Variants in FNIP2 observed in about 807,000 individuals in gnomAD.
FNIP2 encodes folliculin interacting protein 2, also known as folliculin-interacting protein 2.
A neutral mutation model predicts 108.7 loss-of-function variants in FNIP2; 32 were observed. The observed-to-expected ratio is 0.29, with a 90% CI of 0.22 to 0.40. The LOEUF is 0.40. Ranked by LOEUF, FNIP2 falls within the 10% of genes least tolerant of loss-of-function variation. The pLI is 1.00. For missense variants in FNIP2, 1,202 were observed against 1,381.6 expected, an observed-to-expected ratio of 0.87 and a Z score of 2.06; for synonymous variants, 480 against 496.7, an observed-to-expected ratio of 0.97 and a Z score of 0.45.
At chr4:158,831,474 C>A (rs1230189349) in intron 3 of FNIP2, among the ~76,000 whole-genome samples, 1 of 152,060 alleles carries the variant, frequency 6.6e-6, no homozygotes, top group Non-Finnish European at 1.5e-5. Context: ...TGAATAATAC[C>A]GAACCATATT....
rs567998925 is a variant in FNIP2 at position 158,907,912 on chromosome 4, T to C, written c.*3368T>C. 5.9e-5 allele frequency: 9 copies of C among 152,312 alleles called. No individual in the cohort carries two copies. The South Asian group carries it at 1.0e-3, about 18-fold the overall frequency. 9.4% of individuals were successfully genotyped at this position (152,312 alleles called of 1,614,324 possible). A position where few individuals can be genotyped will look rare whatever the true frequency, so the allele number is the denominator to read the frequency against. ...GTCATTTGAAGCTCCATAAGAGAAA[T>C]TGATAGGACTTCGTTTTTGATCAGT... On this transcript the variant is annotated 3_prime_UTR_variant, in exon 17 of 17. Transcript: ENST00000264433.
chr4:158,875,958 G>A (rs1031190427), intron 14 of FNIP2, among the ~76,000 whole-genome samples: 4 of 152,080 alleles, frequency 2.6e-5, no homozygotes, highest in East Asian at 3.9e-4. Context: ...GCTTCTTATT[G>A]ATTAGTGAAA....
chr4:158,777,700 G>A (rs1775904665), intron 1 of FNIP2, among the ~76,000 whole-genome samples: 3 of 152,198 alleles, frequency 2.0e-5, no homozygotes, highest in Admixed American at 2.0e-4. Context: ...ACTTGGTGCT[G>A]AGTGCACAGG....
At chr4:158,809,111 G>T (rs1378606853) in intron 1 of FNIP2, among the ~76,000 whole-genome samples, 2 of 152,122 alleles carry the variant, frequency 1.3e-5, no homozygotes, top group African/African-American at 4.8e-5. Context: ...TTGATGAGAG[G>T]CATCTTAAAT....
At position 158,843,992 on chromosome 4, in the gene FNIP2, G is replaced by A. The variant is rs549898416; in HGVS notation, c.728-7329G>A. On this transcript the variant is annotated intron_variant, in intron 7 of 16. Transcript: ENST00000264433. ...CTGAGGGTGCTGCCTGTTTGGAACC[G>A]TGATCACATTTTTCGGCAGAATAAA... 2.8e-4 allele frequency among the ~76,000 whole-genome samples: 42 copies of A among 152,292 alleles called. No homozygotes were observed. In the South Asian group the frequency reaches 7.9e-3, roughly 29 times the overall value.
intron 14 of FNIP2, among the ~76,000 whole-genome samples, chr4:158,877,882 G>A (rs1781369128): frequency 6.6e-6 from 1 of 152,164 alleles, no homozygotes; most frequent in Non-Finnish European, 1.5e-5. Context: ...CGAAGCTGCA[G>A]TAAGCTATGA....
chr4:158,842,784 G>A (rs576861922), intron 7 of FNIP2, among the ~76,000 whole-genome samples: 325 of 151,930 alleles, frequency 2.1e-3, no homozygotes, highest in Middle Eastern at 0.01. Flanking sequence ...TAAGAACATT[G>A]GCTTTTTATT....
At chr4:158,888,410 C>A (rs1212333058) in intron 14 of FNIP2, among the ~76,000 whole-genome samples, 11 of 152,200 alleles carry the variant, frequency 7.2e-5, no homozygotes, top group Non-Finnish European at 1.6e-4. Flanking sequence ...CTTAATCTGT[C>A]TCATTTTCAT....
At chr4:158,867,518 T>TA (rs1440417886) in intron 12 of FNIP2, among the ~76,000 whole-genome samples, 1 of 152,216 alleles carries the variant, frequency 6.6e-6, no homozygotes, top group Non-Finnish European at 1.5e-5. Flanking sequence ...CGAAATGAAA[T>TA]AAAACCTTCA....
chr4:158,835,485 A>G lies in FNIP2; in HGVS notation c.727+9A>G. ...TGGCATTGCTCGATCAGGTACTTGT[A>G]CTCTGTTTATTGGTTTAACTAACAG... is the stretch of plus-strand genomic sequence containing the variant. On this transcript the variant is annotated intron_variant, in intron 7 of 16. Transcript: ENST00000264433. The G allele has an allele frequency of 1.9e-6, 3 of 1,610,418 alleles. No homozygotes were observed. Among genetic ancestry groups the G allele is most frequent in the Non-Finnish European group, 2.5e-6 (3 of 1,177,550 alleles).
chr4:158,878,626 A>G (rs1781410644), intron 14 of FNIP2, among the ~76,000 whole-genome samples: 1 of 152,174 alleles, frequency 6.6e-6, no homozygotes, highest in African/African-American at 2.4e-5. Flanking sequence ...GCATATAGGA[A>G]AATGAAACAT....
chr4:158,816,634 A>C (rs13137280), intron 1 of FNIP2, among the ~76,000 whole-genome samples: 5,184 of 152,008 alleles, frequency 0.034, 131 homozygotes, highest in South Asian at 0.094. Flanking sequence ...AATACAAAAA[A>C]ATTAGCCAGG....
chr4:158,872,551 C>G (rs899697290), intron 14 of FNIP2: 1 of 985,168 alleles, frequency 1.0e-6, no homozygotes, highest in African/African-American at 1.7e-5. Flanking sequence ...CAAAGTGCAG[C>G]CATGCGTGGG....
At chr4:158,789,441 AC>A (rs1368247925) in intron 1 of FNIP2, among the ~76,000 whole-genome samples, 1 of 152,194 alleles carries the variant, frequency 6.6e-6, no homozygotes, top group Admixed American at 6.5e-5. Context: ...CTGTAAGTTA[AC>A]CTGGTTTTTA....
At chr4:158,886,899 A>G (rs550798996) in intron 14 of FNIP2, among the ~76,000 whole-genome samples, 1 of 152,364 alleles carries the variant, frequency 6.6e-6, no homozygotes, top group South Asian at 2.1e-4. Flanking sequence ...TTGTTTTTCT[A>G]GAGATATTTA....
chr4:158,845,230 T>C (rs1175976907), intron 7 of FNIP2, among the ~76,000 whole-genome samples: 1 of 152,224 alleles, frequency 6.6e-6, no homozygotes, highest in African/African-American at 2.4e-5. Flanking sequence ...ATAATTTAAC[T>C]AAAAGTCTTG....
At chr4:158,803,895 A>G (rs778610762) in intron 1 of FNIP2, among the ~76,000 whole-genome samples, 5 of 152,136 alleles carry the variant, frequency 3.3e-5, no homozygotes, top group Non-Finnish European at 7.4e-5. Flanking sequence ...ACTATCAAAG[A>G]AGCACACTGC....
chr4:158,859,009 G>A (rs1237245849), intron 8 of FNIP2, 48 bp from the exon 9 acceptor site: 1 of 1,525,856 alleles, frequency 6.6e-7, no homozygotes, highest in Admixed American at 1.7e-5. Flanking sequence ...GACCTTCAGT[G>A]TGACTCACTG....
chr4:158,875,412 C>T (rs36024718), intron 14 of FNIP2, among the ~76,000 whole-genome samples: 43,810 of 150,824 alleles, frequency 0.29, 7,133 homozygotes, highest in Non-Finnish European at 0.38. Flanking sequence ...TTGGATACAG[C>T]AGCCTCTTCC....
Sources: allele counts gnomAD v4.1 joint callset (sites outside exome capture counted in the v4.1 genomes callset), GRCh38; gene constraint gnomAD v4.1.1; transcripts MANE v1.5; gene names NCBI Gene and HGNC (gene_info 2026-07-23, HGNC 2026-07-21).